Variants in ZMYM3 observed in about 807,000 individuals in gnomAD.
ZMYM3 encodes zinc finger MYM-type protein 3.
Under a neutral mutation model 94.2 loss-of-function variants are expected in ZMYM3, and 6 were observed. The ratio of observed to expected loss-of-function variants is 0.06; its 90% CI spans 0.03 to 0.13. ZMYM3 has a LOEUF of 0.13. Among genes scored for constraint, ZMYM3 ranks in the 10% least tolerant of loss-of-function variants. ZMYM3 has a pLI of 1.00. For synonymous variants in ZMYM3, 420 were observed against 426.5 expected (o/e 0.98, Z 0.19); for missense variants, 664 against 1,132.6 (o/e 0.59, Z 5.94).
intron 13 of ZMYM3, 33 bp downstream of exon 13, chrX:71,247,312 T>C: frequency 8.6e-7 from 1 of 1,158,382 alleles, no homozygotes; most frequent in South Asian, 1.9e-5. Flanking sequence ...CCAGGCTCCC[T>C]CTAACAGAGT....
At chrX:71,246,714 T>C in intron 13 of ZMYM3, 22 bp from the exon 14 acceptor site, 2 of 1,186,745 alleles carry the variant, frequency 1.7e-6, no homozygotes, top group South Asian at 3.7e-5. Context: ...AACAAATGAA[T>C]GCTCTCATCC....
chrX:71,247,791 G>A lies in ZMYM3; in HGVS notation c.2091C>T (p.Ser697=), dbSNP rs1344359983. 5.0e-6 allele frequency: 6 copies of A among 1,212,052 alleles called. No individual in the cohort carries two copies. The highest frequency in any genetic ancestry group is 5.6e-6 in the Non-Finnish European group (5 of 895,535). Residue 697 remains serine, a synonymous_variant, in exon 12 of 25, where the codon AGC becomes AGT. Transcript: ENST00000314425. The stretch of plus-strand genomic sequence containing the variant: ...AGTCCTCACTGCAGAAGTCCCAGGT[G>A]CTGCCATCCAGTTGCTCGGTGACTC... ...QRGVTEQLDG[S]TWDFCSEDCK... is the part of the protein sequence containing the mutation.
At chrX:71,247,927 AAG>A (rs1401060672) in intron 11 of ZMYM3, 21 bp from the exon 12 acceptor site, 1 of 1,170,778 alleles carries the variant, frequency 8.5e-7, no homozygotes, top group South Asian at 1.9e-5. Flanking sequence ...GAGAAGAGGA[AAG>A]AGAGTCCAGA....
chrX:71,249,099 A>G lies in ZMYM3; in HGVS notation c.1541T>C (p.Val514Ala), dbSNP rs1177557290. The G allele has an allele frequency of 8.3e-7, 1 of 1,212,018 alleles. No homozygotes were observed. Reference sequence around the variant, plus strand: ...CAAGCTGGTCTTGCCATTACGATCCACATGTGATAGCATCTCAAAGTTCTT... The same window carrying G: ...CAAGCTGGTCTTGCCATTACGATCCGCATGTGATAGCATCTCAAAGTTCTT... Reference protein sequence around the residue: ...LCKNFEMLSHVDRNGKTSLFC... With the variant: ...LCKNFEMLSHADRNGKTSLFC... The change falls in exon 8 of 25, where the codon GTG becomes GCG. Residue 514 changes from valine (V) to alanine (A), a missense_variant. By Grantham distance (64) the Val-to-Ala change is moderately conservative (BLOSUM62 0). Coordinates refer to ENST00000314425, the MANE Select transcript of ZMYM3 (RefSeq NM_201599.3).
intron 3 of ZMYM3, 33 bp downstream of exon 3, chrX:71,251,525 G>C: frequency 1.7e-6 from 2 of 1,174,263 alleles, no homozygotes; most frequent in Non-Finnish European, 2.3e-6. Context: ...AGCTAAGGGG[G>C]AACCAGACTC....
intron 13 of ZMYM3, among the ~76,000 whole-genome samples, chrX:71,246,928 G>A (rs956831815): frequency 3.6e-5 from 4 of 111,554 alleles, no homozygotes; most frequent in Non-Finnish European, 7.5e-5. Context: ...CCACATTTGA[G>A]ACCTTCCACT....
intron 16 of ZMYM3, 39 bp downstream of exon 16, chrX:71,245,947 G>A (rs1569223371): frequency 8.4e-7 from 1 of 1,197,160 alleles, no homozygotes; most frequent in Non-Finnish European, 1.1e-6. Flanking sequence ...GAGAGTAAGG[G>A]GAAAGGAGGA....
At position 71,240,224 on chromosome X, in the gene ZMYM3, C is replaced by G. The variant is rs1034519820; in HGVS notation, c.*692G>C. The stretch of plus-strand genomic sequence containing the variant: ...GTCTGCACAACAGGAGTCTGCTCCC[C>G]GTACTTAGTCATTCTCTGCCTCTGA... On this transcript the variant is annotated 3_prime_UTR_variant, in exon 25 of 25. Transcript: ENST00000314425. The G allele has an allele frequency of 9.0e-6, 1 of 111,433 alleles. No individual in the cohort carries two copies. The highest frequency in any genetic ancestry group is 1.9e-5 in the Non-Finnish European group (1 of 52,971). The allele number at this position is 111,433 out of a possible 1,213,427, so 9.2% of individuals were successfully genotyped here.
intron 7 of ZMYM3, 39 bp downstream of exon 7, chrX:71,249,422 C>G (rs1425253511): frequency 8.6e-7 from 1 of 1,165,895 alleles, no homozygotes; most frequent in African/African-American, 1.8e-5. Context: ...ACCACACCCC[C>G]TTCCACAGCC....
chrX:71,246,754 C>G (rs1354083322), intron 13 of ZMYM3, 62 bp from the exon 14 acceptor site: 1 of 1,069,856 alleles, frequency 9.3e-7, no homozygotes. Flanking sequence ...TTCCTTACCC[C>G]TGTTCCAGGA....
intron 19 of ZMYM3, among the ~76,000 whole-genome samples, 153 bp downstream of exon 19, chrX:71,244,637 G>C (rs969330851): frequency 2.7e-5 from 3 of 111,604 alleles, no homozygotes; most frequent in African/African-American, 9.8e-5. Context: ...TTGTGAGATG[G>C]GGGGAGAGCA....
intron 10 of ZMYM3, 52 bp downstream of exon 10, chrX:71,248,386 C>T (rs2030282472): frequency 1.7e-6 from 2 of 1,196,801 alleles, no homozygotes; most frequent in Non-Finnish European, 2.3e-6. Context: ...GGAAGGACCC[C>T]TTCAGACAGT....
intron 1 of ZMYM3, 64 bp downstream of exon 1, chrX:71,253,965 C>T (rs2030639939): frequency 1.9e-5 from 2 of 107,073 alleles, no homozygotes; most frequent in African/African-American, 6.9e-5. Flanking sequence ...CCCACCACCG[C>T]CTCCCGGCTA....
chrX:71,249,260 CA>C (rs1178365882), intron 7 of ZMYM3, 91 bp from the exon 8 acceptor site: 3 of 1,171,068 alleles, frequency 2.6e-6, no homozygotes, highest in Non-Finnish European at 3.4e-6. Flanking sequence ...TTCAGGCATA[CA>C]AAAAAAGTAT....
At position 71,247,970 on chromosome X, in the gene ZMYM3, C is replaced by G. The variant is rs766839337; in HGVS notation, c.1976-64G>C. On this transcript the variant is annotated intron_variant, in intron 11 of 24. Transcript: ENST00000314425. ...AGATACCCAAGGGCAAGAGACCCAA[C>G]CTTTTCAAGGTGCTATACCTGAAAC... is the stretch of plus-strand genomic sequence containing the variant. 2.7e-6 allele frequency: 3 copies of G among 1,123,245 alleles called. No homozygotes were observed. The African/African-American group carries it at 5.4e-5, about 20-fold the overall frequency. The allele number at this position is 1,123,245 out of a possible 1,213,427, so 92.6% of individuals were successfully genotyped here.
chrX:71,253,410 T>C (rs1012561633), intron 1 of ZMYM3, 136 bp from the exon 2 acceptor site: 2 of 497,799 alleles, frequency 4.0e-6, no homozygotes, highest in Non-Finnish European at 3.0e-6. Flanking sequence ...TCTACAAGCA[T>C]TTCCGAAGGC....
At chrX:71,251,879 T>A (rs2030496873) in intron 2 of ZMYM3, 1 of 748,225 alleles carries the variant, frequency 1.3e-6, no homozygotes. Flanking sequence ...ACAGGTAATA[T>A]ACCTTTCATT....
chrX:71,253,054 T>G lies in ZMYM3; in HGVS notation c.202A>C (p.Lys68Gln), dbSNP rs963143556. Residue 68 changes from lysine (K) to glutamine (Q), a missense_variant, in exon 2 of 25, where the codon AAA becomes CAA. Lys to Gln is a moderately conservative substitution (Grantham distance 53, BLOSUM62 1). Around this residue, in one of 9 missense-constraint regions of ZMYM3, gnomAD observed 196 missense variants for 190.8 expected, o/e 1.03. Transcript: ENST00000314425. ...DLLDTPAGLEKDPGVLDGATE... is the reference protein window; with the variant it reads ...DLLDTPAGLEQDPGVLDGATE... The stretch of plus-strand genomic sequence containing the variant: ...GCTCCATCCAGGACTCCAGGGTCTT[T>G]TTCCAGGCCAGCAGGGGTATCAAGC... The G allele has an allele frequency of 2.6e-5, 31 of 1,200,372 alleles. No homozygotes were observed. The highest frequency in any genetic ancestry group is 3.3e-5 in the Non-Finnish European group (29 of 889,370).
chrX:71,252,846 G>A lies in ZMYM3; in HGVS notation c.410C>T (p.Pro137Leu). 1 of 1,210,803 alleles carries A rather than the reference G, an allele frequency of 8.3e-7. No homozygotes were observed. The highest frequency in any genetic ancestry group is 1.1e-6 in the Non-Finnish European group (1 of 894,928). Residue 137 changes from proline to leucine, a missense_variant, in exon 2 of 25, where the codon CCT (proline) becomes CTT (leucine). By Grantham distance (98) the Pro-to-Leu change is moderately conservative. Around this residue, in one of 9 missense-constraint regions of ZMYM3, gnomAD observed 196 missense variants for 190.8 expected, o/e 1.03. Coordinates refer to ENST00000314425, the MANE Select transcript of ZMYM3 (RefSeq NM_201599.3). ...DPGAGANSCS[P>L]EGLLEPLAPD... ...AGCCAAAGGCTCTAGTAGCCCCTCA[G>A]GTGAACAGGAATTTGCCCCAGCCCC...
Sources: gnomAD v4.1 joint callset for allele counts (sites outside exome capture counted in the v4.1 genomes callset) on GRCh38, gnomAD v4.1.1 for gene constraint, gnomAD v4.1.1 regional missense constraint, MANE v1.5 for transcripts, NCBI Gene and HGNC (gene_info 2026-07-23, HGNC 2026-07-21) for gene names.